SCN10A: variants seen among roughly 807,000 people sequenced by gnomAD.
The protein encoded by SCN10A is sodium channel protein type 10 subunit alpha.
A neutral mutation model predicts 170.7 loss-of-function variants in SCN10A; 162 were observed. The ratio of observed to expected loss-of-function variants is 0.95; its 90% confidence interval spans 0.84 to 1.08. The LOEUF is 1.08. Among genes scored for constraint, SCN10A ranks in the 50% least tolerant of loss-of-function variants. SCN10A has a pLI of 0.00. For synonymous variants in SCN10A, 985 were observed against 904.6 expected, an observed-to-expected ratio of 1.09 and a Z score of -1.59; for missense variants, 2,527 against 2,436.9, an observed-to-expected ratio of 1.04 and a Z score of -0.78.
chr3:38,775,036 A>G (rs2064055412), intron 4 of SCN10A, among the ~76,000 whole-genome samples: 1 of 152,138 alleles, frequency 6.6e-6, no homozygotes, highest in South Asian at 2.1e-4. Context: ...AGTTTCTTCA[A>G]TGGCAATTTA....
At chr3:38,703,097 C>T (rs1358085837) in intron 26 of SCN10A, among the ~76,000 whole-genome samples, 1 of 152,186 alleles carries the variant, frequency 6.6e-6, no homozygotes, top group Non-Finnish European at 1.5e-5. Flanking sequence ...TCCTTGTTCA[C>T]CACTGACCCT....
chr3:38,745,262 T>C (rs1034522755), intron 13 of SCN10A, among the ~76,000 whole-genome samples: 5 of 152,124 alleles, frequency 3.3e-5, no homozygotes, highest in African/African-American at 1.2e-4. Context: ...GGATCTCCTA[T>C]ATAAAATTGA....
intron 13 of SCN10A, among the ~76,000 whole-genome samples, chr3:38,744,509 T>A (rs2063666886): frequency 1.3e-5 from 2 of 152,050 alleles, no homozygotes; most frequent in Non-Finnish European, 2.9e-5. Flanking sequence ...TTTCTTTTTT[T>A]AAATTATACT....
Position 38,726,677 on chromosome 3 carries a change from G to C in SCN10A, c.3016C>G (p.Leu1006Val), listed in dbSNP as rs963394464. The C allele has an allele frequency of 1.2e-6, 2 of 1,610,676 alleles. No homozygotes were observed. Among genetic ancestry groups the C allele is most frequent in the Admixed American group, 1.7e-5 (1 of 59,936 alleles). Residue 1006 changes from leucine to valine, a missense_variant, in exon 17 of 28, where the codon CTT becomes GTT. Leu to Val is a conservative substitution (Grantham distance 32). Transcript: ENST00000449082. ...SVPIAEGESD[L>V]DDLEDDGGED... is the part of the protein sequence containing the mutation. Reference sequence around the variant, plus strand: ...CCACCATCATCCTCCAAGTCATCAAGATCAGATTCACCCTCAGCAATGGGC... The same window carrying C: ...CCACCATCATCCTCCAAGTCATCAACATCAGATTCACCCTCAGCAATGGGC...
chr3:38,775,345 T>C (rs2126044991), intron 4 of SCN10A, among the ~76,000 whole-genome samples: 2 of 152,336 alleles, frequency 1.3e-5, no homozygotes, highest in South Asian at 4.1e-4. Flanking sequence ...TTTGTTCTTT[T>C]GCGTTTGAGT....
chr3:38,777,738 C>T (rs905533414), intron 4 of SCN10A, among the ~76,000 whole-genome samples: 1 of 151,970 alleles, frequency 6.6e-6, no homozygotes, highest in Admixed American at 6.6e-5. Flanking sequence ...CAGGATGTGA[C>T]AATGAGATTA....
chr3:38,795,541 T>C (rs1031179039), intron 1 of SCN10A, among the ~76,000 whole-genome samples: 38 of 151,916 alleles, frequency 2.5e-4, no homozygotes, highest in Admixed American at 2.1e-3. Flanking sequence ...AGTGTACCAC[T>C]ATATTGTCCA....
chr3:38,756,837 A>C lies in SCN10A; in HGVS notation c.1127T>G (p.Phe376Cys). The C allele has an allele frequency of 6.2e-7, 1 of 1,614,200 alleles. No homozygotes were observed. The highest frequency in any genetic ancestry group is 1.1e-5 in the South Asian group (1 of 91,082). ...LRTSGKIYMI[F>C]FVLVIFLGSF... ...TCCCAGGAAGATTACGAGCACAAAA[A>C]AGATCATATAGATTTTCCCAGAAGT... Residue 376 changes from phenylalanine (F) to cysteine (C), a missense_variant, in exon 10 of 28, where the codon TTT (phenylalanine) becomes TGT (cysteine). Physicochemically the swap from Phe to Cys is radical, Grantham distance 205. Coordinates refer to ENST00000449082, the MANE Select transcript of SCN10A (RefSeq NM_006514.4).
At position 38,793,910 on chromosome 3, in the gene SCN10A, G is replaced by C. The variant is rs1025338659; in HGVS notation, c.101C>G (p.Thr34Arg). ...CCTATGCTTCTCTCTGGCTTTCTTT[G>C]TTCCCTGCTTGGCAGCAATTTGCTT... Reference protein sequence around the residue: ...IEKQIAAKQGTKKAREKHREQ... With the variant: ...IEKQIAAKQGRKKAREKHREQ... The change falls in exon 2 of 28, where the codon ACA becomes AGA. Residue 34 changes from threonine to arginine, a missense_variant. By Grantham distance (71) the Thr-to-Arg change is moderately conservative. Coordinates refer to ENST00000449082, the MANE Select transcript of SCN10A (RefSeq NM_006514.4). 5 of 1,613,964 alleles carry C rather than the reference G, an allele frequency of 3.1e-6. No homozygotes were observed. The African/African-American group carries it at 4.0e-5, about 13-fold the overall frequency.
At position 38,757,020 on chromosome 3, in the gene SCN10A, G is replaced by C; in HGVS notation, c.1090C>G (p.Gln364Glu). 7 of 1,609,352 alleles carry C rather than the reference G, an allele frequency of 4.3e-6. No homozygotes were observed. The highest frequency in any genetic ancestry group is 5.9e-6 in the Non-Finnish European group (7 of 1,177,744). ...TQDSWERLYQQTLRTSGKIYM... is the reference protein window; with the variant it reads ...TQDSWERLYQETLRTSGKIYM... ...CGTGGGGGAATGCAGCTCAGTACCTGCTGGTAGAGGCGTTCCCAGGAATCC... is the reference window on the plus strand; with the variant it reads ...CGTGGGGGAATGCAGCTCAGTACCTCCTGGTAGAGGCGTTCCCAGGAATCC... The change falls in exon 9 of 28, where the codon CAG (glutamine) becomes GAG (glutamate). Residue 364 changes from glutamine (Q) to glutamate (E), a missense_variant and splice_region_variant. Physicochemically the swap from Gln to Glu is conservative, Grantham distance 29. Coordinates refer to ENST00000449082, the MANE Select transcript of SCN10A (RefSeq NM_006514.4).
Position 38,697,978 on chromosome 3 carries a change from A to G in SCN10A, c.5242T>C (p.Trp1748Arg). The G allele has an allele frequency of 6.2e-7, 1 of 1,614,200 alleles. No homozygotes were observed. Among genetic ancestry groups the G allele is most frequent in the Non-Finnish European group, 8.5e-7 (1 of 1,180,034 alleles). Residue 1748 changes from tryptophan (W) to arginine (R), a missense_variant, in exon 28 of 28, where the codon TGG becomes CGG. Coordinates refer to ENST00000449082, the MANE Select transcript of SCN10A (RefSeq NM_006514.4). Reference protein sequence around the residue: ...EDDFDMFYETWEKFDPEATQF... With the variant: ...EDDFDMFYETREKFDPEATQF... ...GTGGCCTCTGGGTCAAACTTCTCCC[A>G]GGTCTCATAGAACATGTCAAAGTCG...
At chr3:38,804,235 G>A (rs35257385) in intron 1 of SCN10A, among the ~76,000 whole-genome samples, 17,699 of 151,992 alleles carry the variant, frequency 0.12, 1,189 homozygotes, top group Middle Eastern at 0.2. Context: ...TTTTCAACTT[G>A]TTCTTTTCTC....
At chr3:38,794,898 C>G (rs1053685537) in intron 1 of SCN10A, among the ~76,000 whole-genome samples, 3 of 152,184 alleles carry the variant, frequency 2.0e-5, no homozygotes, top group African/African-American at 4.8e-5. Context: ...TTCATACCAT[C>G]AAACCTCCAA....
At chr3:38,764,822 A>C (rs762847850) in intron 5 of SCN10A, among the ~76,000 whole-genome samples, 25 of 152,200 alleles carry the variant, frequency 1.6e-4, no homozygotes, top group Non-Finnish European at 2.6e-4. Flanking sequence ...ACTAGTTTAC[A>C]TTCCCACCAG....
At position 38,739,248 on chromosome 3, in the gene SCN10A, G is replaced by A. The variant is rs931170609; in HGVS notation, c.2280+267C>T. ...GTGATTATTGCTGTTATTGTTATTTGATAAGAGACGAGGACAGTGCTTGGA... is the reference window on the plus strand; with the variant it reads ...GTGATTATTGCTGTTATTGTTATTTAATAAGAGACGAGGACAGTGCTTGGA... On this transcript the variant is annotated intron_variant, in intron 15 of 27. Coordinates refer to ENST00000449082, the MANE Select transcript of SCN10A (RefSeq NM_006514.4). Among the ~76,000 whole-genome samples, 8 of 152,176 alleles carry A rather than the reference G, an allele frequency of 5.3e-5. 1 individual carries two copies. Among genetic ancestry groups the A allele is most frequent in the Admixed American group, 5.2e-4 (8 of 15,282 alleles).
At chr3:38,807,967 A>G (rs2064416118) in intron 1 of SCN10A, among the ~76,000 whole-genome samples, 1 of 152,152 alleles carries the variant, frequency 6.6e-6, no homozygotes, top group South Asian at 2.1e-4. Flanking sequence ...ATAGCAACCA[A>G]CATAATCTTT....
intron 13 of SCN10A, among the ~76,000 whole-genome samples, chr3:38,745,165 A>G (rs1485002705): frequency 6.6e-6 from 1 of 152,224 alleles, no homozygotes; most frequent in Non-Finnish European, 1.5e-5. Context: ...CAGCCTTGAC[A>G]TTGTTGAACT....
intron 21 of SCN10A, among the ~76,000 whole-genome samples, chr3:38,716,359 G>T (rs1389479861): frequency 1.3e-5 from 2 of 152,128 alleles, no homozygotes; most frequent in Non-Finnish European, 2.9e-5. Context: ...TCTTTCCCAT[G>T]CTGTTCTCAT....
chr3:38,793,091 T>C (rs556253885), intron 2 of SCN10A, among the ~76,000 whole-genome samples: 1 of 152,090 alleles, frequency 6.6e-6, no homozygotes, highest in South Asian at 2.1e-4. Context: ...TGTGTGTGTA[T>C]ATATATCTCA....
Sources: allele counts gnomAD v4.1 joint callset (sites outside exome capture counted in the v4.1 genomes callset), GRCh38; gene constraint gnomAD v4.1.1; transcripts MANE v1.5; gene names NCBI Gene and HGNC (gene_info 2026-07-23, HGNC 2026-07-21).